KIAA0319: variants seen among roughly 807,000 people sequenced by gnomAD.
The protein encoded by KIAA0319 is KIAA0319.
A neutral mutation model predicts 108.4 loss-of-function variants in KIAA0319; 83 were observed. That is an observed-to-expected ratio of 0.77 (90% confidence interval 0.64 to 0.92). The LOEUF (loss-of-function observed/expected upper bound fraction) is 0.92, where lower values mean the gene tolerates loss of function less well. Among genes scored for constraint, KIAA0319 ranks in the 40% least tolerant of loss-of-function variants. The pLI is 0.00. For synonymous variants in KIAA0319, 484 were observed against 510.4 expected (o/e 0.95, Z 0.70); for missense variants, 1,195 against 1,322.4 (o/e 0.90, Z 1.49).
At chr6:24,617,391 A>G (rs552604351) in intron 1 of KIAA0319, among the ~76,000 whole-genome samples, 73 of 152,302 alleles carry the variant, frequency 4.8e-4, no homozygotes, top group African/African-American at 1.6e-3. Flanking sequence ...TTCTGTATCT[A>G]GTAAAACAGC....
downstream of KIAA0319, among the ~76,000 whole-genome samples, chr6:24,543,179 G>A (rs1760271682): frequency 6.6e-6 from 1 of 152,172 alleles, no homozygotes; most frequent in South Asian, 2.1e-4. Flanking sequence ...GCCTGGAAAG[G>A]AAGGAACTAC....
Position 24,588,650 on chromosome 6 carries a change from G to T in KIAA0319, c.937C>A (p.Pro313Thr). The change falls in exon 4 of 21, where the codon CCC becomes ACC. Residue 313 changes from proline (P) to threonine (T), a missense_variant. Transcript: ENST00000378214. ...AGCTCAGATGGGGTGGACTCAGAGG[G>T]GGCTGCGCTAGTGGGAGGTGTTGGG... Reference protein sequence around the residue: ...SIPTPPTSAAPSESTPSELPI... With the variant: ...SIPTPPTSAATSESTPSELPI... 1.9e-6 allele frequency: 3 copies of T among 1,613,992 alleles called. No individual in the cohort carries two copies. The highest frequency in any genetic ancestry group is 2.5e-6 in the Non-Finnish European group (3 of 1,179,974).
chr6:24,639,032 C>T (rs1776576950), intron 1 of KIAA0319, among the ~76,000 whole-genome samples: 2 of 152,132 alleles, frequency 1.3e-5, no homozygotes, highest in African/African-American at 4.8e-5. Flanking sequence ...CAAAACATCA[C>T]ATCTTTCCTG....
intron 8 of KIAA0319, among the ~76,000 whole-genome samples, chr6:24,579,482 A>G (rs1292979629): frequency 6.9e-6 from 1 of 145,416 alleles, no homozygotes; most frequent in Non-Finnish European, 1.5e-5. Flanking sequence ...TATCTTATAT[A>G]TCTCATATAT....
intron 2 of KIAA0319, chr6:24,600,471 C>T: frequency 1.7e-6 from 1 of 582,496 alleles, no homozygotes. Flanking sequence ...AGCCACATCC[C>T]TAGGAGGTCT....
chr6:24,603,543 C>G (rs553926765), intron 1 of KIAA0319, among the ~76,000 whole-genome samples: 99 of 152,330 alleles, frequency 6.5e-4, no homozygotes, highest in African/African-American at 1.7e-3. Flanking sequence ...CATTCCTCCT[C>G]CCTCCACGCA....
intron 17 of KIAA0319, among the ~76,000 whole-genome samples, chr6:24,557,208 A>G (rs1271272291): frequency 6.6e-6 from 1 of 151,616 alleles, no homozygotes; most frequent in Non-Finnish European, 1.5e-5. Context: ...TGTCTCAAAA[A>G]AAAAGTTTAC....
chr6:24,556,857 G>T, intron 17 of KIAA0319, 128 bp from the exon 18 acceptor site: 1 of 1,072,956 alleles, frequency 9.3e-7, no homozygotes, highest in Non-Finnish European at 1.3e-6. Flanking sequence ...GCCTCTTACA[G>T]TGTGGACAGG....
chr6:24,630,747 G>A (rs1775481098), intron 1 of KIAA0319, among the ~76,000 whole-genome samples: 2 of 150,110 alleles, frequency 1.3e-5, no homozygotes, highest in African/African-American at 4.9e-5. Flanking sequence ...TCTTAGAGTT[G>A]TATAATACTT....
At chr6:24,617,982 G>A (rs938931423) in intron 1 of KIAA0319, among the ~76,000 whole-genome samples, 2 of 151,942 alleles carry the variant, frequency 1.3e-5, no homozygotes, top group African/African-American at 4.8e-5. Context: ...GTGAGACTCT[G>A]TCTCAAAGGA....
chr6:24,605,585 G>A (rs1771281537), intron 1 of KIAA0319, among the ~76,000 whole-genome samples: 2 of 152,058 alleles, frequency 1.3e-5, no homozygotes, highest in Non-Finnish European at 2.9e-5. Flanking sequence ...GTTTAATCGA[G>A]TGACAAAATA....
intron 1 of KIAA0319, among the ~76,000 whole-genome samples, chr6:24,608,502 C>T (rs990439833): frequency 6.6e-6 from 1 of 151,950 alleles, no homozygotes; most frequent in Non-Finnish European, 1.5e-5. Flanking sequence ...AAAACTGGTC[C>T]TACCATATAA....
intron 1 of KIAA0319, among the ~76,000 whole-genome samples, chr6:24,639,520 T>C (rs1223936677): frequency 6.6e-6 from 1 of 152,150 alleles, no homozygotes; most frequent in African/African-American, 2.4e-5. Context: ...TATATGACAT[T>C]TGGGGCTGGA....
Position 24,546,098 on chromosome 6 carries a change from G to C in KIAA0319, c.*1067C>G, listed in dbSNP as rs142882530. On this transcript the variant is annotated 3_prime_UTR_variant, in exon 21 of 21. Coordinates refer to ENST00000378214, the MANE Select transcript of KIAA0319 (RefSeq NM_014809.4). ...AATGTTTTAATTGTCTTTCATGTTT[G>C]AAATAAGATTTATTCGGTAGAAAAA... 3.9e-5 allele frequency: 6 copies of C among 152,324 alleles called. No individual in the cohort carries two copies. Among genetic ancestry groups the C allele is most frequent in the African/African-American group, 1.4e-4 (6 of 41,590 alleles). 9.4% of individuals were successfully genotyped at this position (152,324 alleles called of 1,614,324 possible). A position where few individuals can be genotyped will look rare whatever the true frequency, so the allele number is the denominator to read the frequency against.
At chr6:24,639,402 T>C (rs1347469276) in intron 1 of KIAA0319, among the ~76,000 whole-genome samples, 1 of 152,312 alleles carries the variant, frequency 6.6e-6, no homozygotes, top group East Asian at 1.9e-4. Flanking sequence ...AAACTGCCAA[T>C]CTAGAACTTT....
chr6:24,587,059 C>T (rs1056190020), intron 4 of KIAA0319, among the ~76,000 whole-genome samples: 1 of 152,110 alleles, frequency 6.6e-6, no homozygotes, highest in Non-Finnish European at 1.5e-5. Context: ...TTATCTTCAG[C>T]CCAACTGCTC....
At position 24,551,504 on chromosome 6, in the gene KIAA0319, C is replaced by T. The variant is rs1761502540; in HGVS notation, c.2970G>A (p.Arg990=). 6.2e-7 allele frequency: 1 copy of T among 1,610,760 alleles called. No individual in the cohort carries two copies. Among genetic ancestry groups the T allele is most frequent in the Non-Finnish European group, 8.5e-7 (1 of 1,176,944 alleles). ...CCAGGATGGTGTACTTTGTTTTTTT[C>T]CTGATTTTAGTCCTTTTTTGTCTGA... The part of the protein sequence containing the change: ...CCKRQKRTKI[R]KKTKYTILDN... The change falls in exon 20 of 21, where the codon AGG becomes AGA. Residue 990 remains arginine (R), a synonymous_variant. Transcript: ENST00000378214.
downstream of KIAA0319, among the ~76,000 whole-genome samples, chr6:24,541,361 G>A (rs1380913462): frequency 6.6e-6 from 1 of 152,164 alleles, no homozygotes; most frequent in Non-Finnish European, 1.5e-5. Flanking sequence ...AAGAAAACCA[G>A]TCGATTGGAT....
Position 24,624,017 on chromosome 6 carries a change from C to CTTTTCT in KIAA0319, c.-106+21718_-106+21719insAGAAAA, listed in dbSNP as rs1774342718. 4.7e-4 allele frequency among the ~76,000 whole-genome samples: 24 copies of CTTTTCT among 50,542 alleles called. 1 individual carries two copies. The highest frequency in any genetic ancestry group is 9.1e-4 in the Admixed American group (4 of 4,372). The allele number at this position is 50,542 out of a possible 152,430, so 33.2% of individuals were successfully genotyped here. A position where few individuals can be genotyped will look rare whatever the true frequency, so the allele number is the denominator to read the frequency against. On this transcript the variant is annotated intron_variant, in intron 1 of 20. Transcript: ENST00000378214. The stretch of plus-strand genomic sequence containing the variant: ...AAATAATTTTGAATTTCTTTGTTTT[C>CTTTTCT]TTTTTTTTTTTTTTTTTTTTTTTTT...
Sources: allele counts gnomAD v4.1 joint callset (sites outside exome capture counted in the v4.1 genomes callset), GRCh38; gene constraint gnomAD v4.1.1; transcripts MANE v1.5; gene names NCBI Gene and HGNC (gene_info 2026-07-23, HGNC 2026-07-21).